Variants in PPM1B observed in about 807,000 individuals in gnomAD.
The protein encoded by PPM1B is protein phosphatase 1B.
Under a neutral mutation model 43.0 loss-of-function variants are expected in PPM1B, and 22 were observed. The observed-to-expected ratio is 0.51, with a 90% CI of 0.37 to 0.73. The LOEUF (loss-of-function observed/expected upper bound fraction) is 0.73. Ranked by LOEUF, PPM1B falls within the 30% of genes least tolerant of loss-of-function variation. The pLI, the probability that PPM1B is intolerant of heterozygous loss-of-function variation, is 0.00. For synonymous variants in PPM1B, 217 were observed against 197.9 expected (o/e 1.10, Z -0.81); for missense variants, 632 against 584.2 (o/e 1.08, Z -0.84).
chr2:44,182,212 C>G (rs1413425988), intron 1 of PPM1B, among the ~76,000 whole-genome samples: 1 of 152,074 alleles, frequency 6.6e-6, no homozygotes, highest in Admixed American at 6.6e-5. Flanking sequence ...ATGGACGATA[C>G]TCCAGACATA....
chr2:44,201,664 T>G lies in PPM1B; in HGVS notation c.465T>G (p.Val155=). 1 of 1,614,212 alleles carries G rather than the reference T, an allele frequency of 6.2e-7. No individual in the cohort carries two copies. Among genetic ancestry groups the G allele is most frequent in the Non-Finnish European group, 8.5e-7 (1 of 1,180,032 alleles). ...TCAACTGTGGTGATTCACGTGCTGTTCTGTATAGGAATGGACAAGTCTGCT... is the reference window on the plus strand; with the variant it reads ...TCAACTGTGGTGATTCACGTGCTGTGCTGTATAGGAATGGACAAGTCTGCT... ...YFINCGDSRA[V]LYRNGQVCFS... Residue 155 remains valine, a synonymous_variant, in exon 2 of 6, where the codon GTT becomes GTG. Coordinates refer to ENST00000282412, the MANE Select transcript of PPM1B (RefSeq NM_002706.6). The surrounding 1 kb of genome is among the most constrained non-coding windows in gnomAD (Gnocchi z 5.4).
intron 5 of PPM1B, among the ~76,000 whole-genome samples, chr2:44,223,109 G>T (rs1670049414): frequency 6.6e-6 from 1 of 152,176 alleles, no homozygotes. Flanking sequence ...TGGGATTACA[G>T]ACGTGAGCCA....
At chr2:44,233,962 C>T, downstream of PPM1B, 1 of 985,384 alleles carries the variant, frequency 1.0e-6, no homozygotes, top group Non-Finnish European at 1.2e-6. Context: ...TCTGATCCAA[C>T]CCTGTACTGA....
At chr2:44,225,056 T>C (rs965094883) in intron 5 of PPM1B, among the ~76,000 whole-genome samples, 2 of 152,214 alleles carry the variant, frequency 1.3e-5, no homozygotes, top group African/African-American at 4.8e-5. Context: ...ACTAAGATTG[T>C]CACCGTGACA....
chr2:44,195,437 C>T (rs1266308616), intron 1 of PPM1B, among the ~76,000 whole-genome samples: 1 of 152,082 alleles, frequency 6.6e-6, no homozygotes. Context: ...TCTTGAACTC[C>T]TGGCCTCCAG....
rs1454373164 is a variant in PPM1B at position 44,168,925 on chromosome 2, T to G, written c.-364T>G. The G allele has an allele frequency of 6.5e-6, 1 of 153,386 alleles. No homozygotes were observed. Among genetic ancestry groups the G allele is most frequent in the African/African-American group, 2.4e-5 (1 of 41,444 alleles). 9.5% of individuals were successfully genotyped at this position (153,386 alleles called of 1,614,324 possible). The stretch of plus-strand genomic sequence containing the variant: ...TCAATGGCGGAAAAGCCGCCGGTGC[T>G]CTGACGGCCTCGTTCCCCTAGCAGT... On this transcript the variant is annotated 5_prime_UTR_variant, in exon 1 of 6. Coordinates refer to ENST00000282412, the MANE Select transcript of PPM1B (RefSeq NM_002706.6).
At chr2:44,202,138 A>G in intron 2 of PPM1B, 93 bp downstream of exon 2, 1 of 1,226,716 alleles carries the variant, frequency 8.2e-7, no homozygotes. Flanking sequence ...AAAACTTTTA[A>G]TATTTTCACA....
At chr2:44,237,566 C>G (rs1204442221), downstream of PPM1B, among the ~76,000 whole-genome samples, 1 of 152,164 alleles carries the variant, frequency 6.6e-6, no homozygotes, top group Non-Finnish European at 1.5e-5. Context: ...GTATCCACAA[C>G]TCCAGTGGGA....
chr2:44,183,688 A>G (rs921135949), intron 1 of PPM1B, among the ~76,000 whole-genome samples: 2 of 152,190 alleles, frequency 1.3e-5, no homozygotes, highest in African/African-American at 4.8e-5. Flanking sequence ...TTTGAGCCTG[A>G]GGATGAGATT....
At position 44,201,166 on chromosome 2, in the gene PPM1B, A is replaced by G. The variant is rs1007723665; in HGVS notation, c.-14-20A>G. On this transcript the variant is annotated intron_variant, in intron 1 of 5. Transcript: ENST00000282412. The surrounding 1 kb of genome is among the most constrained non-coding windows in gnomAD (Gnocchi z 5.4). Reference sequence around the variant, plus strand: ...TTTCTGTCAAATTTAAACATTTAACACCTGCATTTTTTATTTCAGATTTAT... The same window carrying G: ...TTTCTGTCAAATTTAAACATTTAACGCCTGCATTTTTTATTTCAGATTTAT... 6.4e-7 allele frequency: 1 copy of G among 1,554,036 alleles called. No homozygotes were observed. Among genetic ancestry groups the G allele is most frequent in the African/African-American group, 1.4e-5 (1 of 73,316 alleles).
At chr2:44,220,281 T>C (rs1325258820) in intron 5 of PPM1B, among the ~76,000 whole-genome samples, 1 of 151,464 alleles carries the variant, frequency 6.6e-6, no homozygotes, top group African/African-American at 2.4e-5. Flanking sequence ...TATATATATA[T>C]ACCTTGCTGG....
chr2:44,229,959 A>G (rs1169021672), intron 5 of PPM1B: 3 of 1,504,340 alleles, frequency 2.0e-6, no homozygotes, highest in East Asian at 2.3e-5. Context: ...TTAAATCTAT[A>G]TAGTTTTATG....
chr2:44,232,292 ATTC>A, downstream of PPM1B: 1 of 1,603,276 alleles, frequency 6.2e-7, no homozygotes, highest in East Asian at 2.2e-5. Flanking sequence ...AAATAATAAT[ATTC>A]TTCCTTTTCT....
intron 5 of PPM1B, chr2:44,230,129 T>A: frequency 6.8e-7 from 1 of 1,460,784 alleles, no homozygotes; most frequent in Non-Finnish European, 9.0e-7. Flanking sequence ...ATGCTTGTGT[T>A]GCTGTTGAAT....
downstream of PPM1B, chr2:44,233,190 G>C (rs1047425267): frequency 2.1e-6 from 2 of 932,994 alleles, no homozygotes; most frequent in Non-Finnish European, 2.6e-6. Context: ...TTTAAGATAC[G>C]AGTTTTGTGT....
At chr2:44,213,288 C>G (rs995217797) in intron 3 of PPM1B, among the ~76,000 whole-genome samples, 4 of 150,522 alleles carry the variant, frequency 2.7e-5, no homozygotes, top group Non-Finnish European at 3.0e-5. Flanking sequence ...AGCTCTTCCA[C>G]TCAAGGTTAC....
At chr2:44,194,185 T>G (rs1290612406) in intron 1 of PPM1B, among the ~76,000 whole-genome samples, 1 of 152,220 alleles carries the variant, frequency 6.6e-6, no homozygotes, top group Non-Finnish European at 1.5e-5. Context: ...TCATGTTGTA[T>G]GTTTCCTTTC....
chr2:44,198,482 T>C (rs1668769024), intron 1 of PPM1B, among the ~76,000 whole-genome samples: 1 of 152,140 alleles, frequency 6.6e-6, no homozygotes, highest in African/African-American at 2.4e-5. Context: ...TATTAAAGGT[T>C]TCCCTGATAA....
rs775050546 is a variant in PPM1B, at chr2:44,188,293, T to A, written c.-14-12893T>A. ...TCTTTTTGAATCTGAGGATTCTGATTTCTGATTTAAAAGAAGAAGTCTTCT... is the reference window on the plus strand; with the variant it reads ...TCTTTTTGAATCTGAGGATTCTGATATCTGATTTAAAAGAAGAAGTCTTCT... On this transcript the variant is annotated intron_variant, in intron 1 of 5. Coordinates refer to ENST00000282412, the MANE Select transcript of PPM1B (RefSeq NM_002706.6). Among the ~76,000 whole-genome samples the A allele has an allele frequency of 9.8e-4, 149 of 152,180 alleles. 1 individual carries two copies. Among genetic ancestry groups the A allele is most frequent in the Non-Finnish European group, 1.8e-3 (120 of 68,028 alleles).
Sources: gnomAD v4.1 joint callset for allele counts (sites outside exome capture counted in the v4.1 genomes callset) on GRCh38, gnomAD v4.1.1 for gene constraint, Gnocchi (gnomAD v3.1) non-coding constraint, MANE v1.5 for transcripts, NCBI Gene and HGNC (gene_info 2026-07-23, HGNC 2026-07-21) for gene names.